Variants in CAMK4 observed in about 807,000 individuals in gnomAD.
CAMK4 encodes the protein calcium/calmodulin dependent protein kinase IV, also known as calcium/calmodulin-dependent protein kinase type IV.
CAMK4 carries 22 observed loss-of-function variants against 44.9 expected under a neutral mutation model. That is an observed-to-expected ratio of 0.49 (90% CI 0.35 to 0.70). CAMK4 has a LOEUF of 0.70. CAMK4 is among the 30% of genes least tolerant of loss of function. CAMK4 has a pLI of 0.01. For synonymous variants in CAMK4, 218 were observed against 215.4 expected, an observed-to-expected ratio of 1.01 and a Z score of -0.11; for missense variants, 498 against 586.8, an observed-to-expected ratio of 0.85 and a Z score of 1.56.
At chr5:111,436,321 C>T (rs1753645725) in intron 5 of CAMK4, among the ~76,000 whole-genome samples, 1 of 152,164 alleles carries the variant, frequency 6.6e-6, no homozygotes, top group Admixed American at 6.6e-5. Context: ...ATCCATGTTT[C>T]TCCACTCTGA....
At chr5:111,293,488 G>A (rs1044747900) in intron 1 of CAMK4, among the ~76,000 whole-genome samples, 29 of 148,906 alleles carry the variant, frequency 1.9e-4, no homozygotes, top group East Asian at 1.4e-3. Context: ...GTGCAATGGC[G>A]TGATCTCAGC....
At chr5:111,404,795 AG>A (rs1752355880) in intron 5 of CAMK4, among the ~76,000 whole-genome samples, 1 of 152,210 alleles carries the variant, frequency 6.6e-6, no homozygotes, top group African/African-American at 2.4e-5. Context: ...CTTGGCCAAA[AG>A]GAGGTTCGTT....
intron 4 of CAMK4, among the ~76,000 whole-genome samples, chr5:111,383,338 AAAAG>A (rs1751484568): frequency 6.6e-6 from 1 of 152,372 alleles, no homozygotes; most frequent in African/African-American, 2.4e-5. Flanking sequence ...GCAATTTTGA[AAAAG>A]AAAGACTTTT....
At chr5:111,367,348 G>A (rs1385179628) in intron 2 of CAMK4, among the ~76,000 whole-genome samples, 3 of 151,844 alleles carry the variant, frequency 2.0e-5, no homozygotes, top group East Asian at 3.9e-4. Context: ...ACTCATGAGA[G>A]CACATACCTC....
intron 1 of CAMK4, among the ~76,000 whole-genome samples, chr5:111,260,418 C>T (rs949834721): frequency 6.6e-6 from 1 of 152,214 alleles, no homozygotes; most frequent in Non-Finnish European, 1.5e-5. Flanking sequence ...TGATCCTCCT[C>T]TGCCTTCTTC....
intron 1 of CAMK4, among the ~76,000 whole-genome samples, chr5:111,278,638 A>G (rs1323856481): frequency 6.6e-6 from 1 of 152,190 alleles, no homozygotes; most frequent in East Asian, 1.9e-4. Flanking sequence ...GAAATCCCTG[A>G]TATAAAGAAG....
At chr5:111,331,295 C>T (rs571553334) in intron 1 of CAMK4, among the ~76,000 whole-genome samples, 95 of 151,686 alleles carry the variant, frequency 6.3e-4, no homozygotes, top group African/African-American at 2.2e-3. Flanking sequence ...CAAAATGCTT[C>T]ACAAAAGATG....
chr5:111,332,040 C>G (rs1223532525), intron 1 of CAMK4, among the ~76,000 whole-genome samples: 2 of 151,588 alleles, frequency 1.3e-5, no homozygotes, highest in African/African-American at 4.8e-5. Context: ...AAATATACGA[C>G]TAAATATTGC....
intron 1 of CAMK4, among the ~76,000 whole-genome samples, chr5:111,264,975 C>T (rs762354518): frequency 1.1e-4 from 16 of 152,034 alleles, no homozygotes; most frequent in Non-Finnish European, 2.1e-4. Flanking sequence ...ATGAGGATCC[C>T]CACACTATCC....
At chr5:111,279,361 G>C (rs1214533360) in intron 1 of CAMK4, among the ~76,000 whole-genome samples, 1 of 152,096 alleles carries the variant, frequency 6.6e-6, no homozygotes, top group Non-Finnish European at 1.5e-5. Context: ...GCAACACTGG[G>C]ACCCTTCTGC....
Position 111,290,600 on chromosome 5 carries a change from C to T in CAMK4, c.162-53424C>T, listed in dbSNP as rs920776769. 3.9e-5 allele frequency among the ~76,000 whole-genome samples: 6 copies of T among 152,160 alleles called. No homozygotes were observed. The highest frequency in any genetic ancestry group is 4.4e-5 in the Non-Finnish European group (3 of 68,036). ...GGATGCGGGGCAGAGCCAAGGGGAACGTTTTGTTCAGTGACTCTTGAGCTG... is the reference window on the plus strand; with the variant it reads ...GGATGCGGGGCAGAGCCAAGGGGAATGTTTTGTTCAGTGACTCTTGAGCTG... On this transcript the variant is annotated intron_variant, in intron 1 of 10. Coordinates refer to ENST00000282356, the MANE Select transcript of CAMK4 (RefSeq NM_001744.6). This position sits in a 1 kb window ranked among gnomAD's most constrained non-coding sequence, Gnocchi z 4.5.
intron 5 of CAMK4, among the ~76,000 whole-genome samples, chr5:111,442,157 C>T (rs1001431850): frequency 1.3e-5 from 2 of 152,096 alleles, no homozygotes; most frequent in African/African-American, 4.8e-5. Context: ...TCCTGATATC[C>T]TGTTAGGGGG....
intron 5 of CAMK4, among the ~76,000 whole-genome samples, chr5:111,426,773 C>T (rs1169408944): frequency 6.6e-6 from 1 of 152,220 alleles, no homozygotes; most frequent in Non-Finnish European, 1.5e-5. Flanking sequence ...CAACCAAATT[C>T]AGCTGATGCC....
At chr5:111,399,102 T>C (rs1001976352) in intron 5 of CAMK4, among the ~76,000 whole-genome samples, 3 of 152,086 alleles carry the variant, frequency 2.0e-5, no homozygotes, top group African/African-American at 7.2e-5. Context: ...AAAATCAAAA[T>C]GCCTTAACAT....
At chr5:111,228,512 GTGT>G (rs1561347565) in intron 1 of CAMK4, among the ~76,000 whole-genome samples, 102 of 124,660 alleles carry the variant, frequency 8.2e-4, no homozygotes, top group African/African-American at 3.2e-3. Context: ...AGTAAGGGGT[GTGT>G]GTGTGTGTGT....
intron 4 of CAMK4, among the ~76,000 whole-genome samples, chr5:111,390,662 T>C (rs1751764528): frequency 6.6e-6 from 1 of 152,180 alleles, no homozygotes; most frequent in Non-Finnish European, 1.5e-5. Context: ...ATTAGAAATG[T>C]TTTTTCTCCT....
chr5:111,373,141 C>G (rs2112819415), intron 2 of CAMK4, among the ~76,000 whole-genome samples: 1 of 152,224 alleles, frequency 6.6e-6, no homozygotes, highest in South Asian at 2.1e-4. Context: ...CTTTCTTTAG[C>G]AAGAATATAT....
intron 5 of CAMK4, among the ~76,000 whole-genome samples, chr5:111,399,305 C>G (rs927381336): frequency 6.6e-6 from 1 of 152,190 alleles, no homozygotes; most frequent in African/African-American, 2.4e-5. Flanking sequence ...CTACTTCTTT[C>G]AGGTCTCTGC....
chr5:111,486,833 C>A lies in CAMK4; in HGVS notation c.*2367C>A, dbSNP rs1252553369. ...TACTCGAGTTGATAATTCCCTCTAT[C>A]TTTTTAAACCCATAAACTACATTTT... On this transcript the variant is annotated 3_prime_UTR_variant, in exon 11 of 11. Transcript: ENST00000282356. The A allele has an allele frequency of 6.6e-6, 1 of 152,060 alleles. No homozygotes were observed. Among genetic ancestry groups the A allele is most frequent in the Non-Finnish European group, 1.5e-5 (1 of 68,010 alleles). The allele number at this position is 152,060 out of a possible 1,614,324, so 9.4% of individuals were successfully genotyped here. A position where few individuals can be genotyped will look rare whatever the true frequency, so the allele number is the denominator to read the frequency against.
Sources: gnomAD v4.1 joint callset for allele counts (sites outside exome capture counted in the v4.1 genomes callset) on GRCh38, gnomAD v4.1.1 for gene constraint, Gnocchi (gnomAD v3.1) non-coding constraint, MANE v1.5 for transcripts, NCBI Gene and HGNC (gene_info 2026-07-23, HGNC 2026-07-21) for gene names.